ARFGAP3: variants seen among roughly 807,000 people sequenced by gnomAD.
The protein encoded by ARFGAP3 is ADP-ribosylation factor GTPase-activating protein 3.
Under a neutral mutation model 75.0 loss-of-function variants are expected in ARFGAP3, and 72 were observed. The observed-to-expected ratio is 0.96, with a 90% CI of 0.79 to 1.17. The LOEUF is 1.17. Ranked by LOEUF, ARFGAP3 falls within the 50% of genes most tolerant of loss-of-function variation. ARFGAP3 has a pLI of 0.00. For missense variants in ARFGAP3, 620 were observed against 626.6 expected, an observed-to-expected ratio of 0.99 and a Z score of 0.11; for synonymous variants, 221 against 217.9, an observed-to-expected ratio of 1.01 and a Z score of -0.13.
chr22:42,848,981 C>T (rs1164986750), intron 1 of ARFGAP3, among the ~76,000 whole-genome samples: 2 of 152,188 alleles, frequency 1.3e-5, no homozygotes, highest in Non-Finnish European at 2.9e-5. Context: ...CACCTTGGAT[C>T]ACTAGCTCTA....
At chr22:42,849,131 G>A (rs1238041722) in intron 1 of ARFGAP3, among the ~76,000 whole-genome samples, 4 of 152,162 alleles carry the variant, frequency 2.6e-5, no homozygotes, top group Non-Finnish European at 5.9e-5. Context: ...GCTCCCAGAT[G>A]ACCTCAGCCC....
intron 14 of ARFGAP3, among the ~76,000 whole-genome samples, chr22:42,805,179 T>A (rs887857181): frequency 6.6e-6 from 1 of 151,974 alleles, no homozygotes; most frequent in Non-Finnish European, 1.5e-5. Flanking sequence ...GGAACCAGGG[T>A]TGGTTTGGCA....
intron 11 of ARFGAP3, among the ~76,000 whole-genome samples, chr22:42,815,883 C>A (rs1363820474): frequency 2.6e-5 from 4 of 152,180 alleles, no homozygotes; most frequent in Non-Finnish European, 4.4e-5. Flanking sequence ...GAGGCTGAGG[C>A]CAGCAGATCA....
At chr22:42,848,153 T>C (rs1333699811) in intron 1 of ARFGAP3, among the ~76,000 whole-genome samples, 1 of 151,820 alleles carries the variant, frequency 6.6e-6, no homozygotes. Context: ...CACGAGCCAC[T>C]GTGCCCAGTT....
At chr22:42,844,402 T>G (rs1389730975) in intron 2 of ARFGAP3, among the ~76,000 whole-genome samples, 1 of 151,874 alleles carries the variant, frequency 6.6e-6, no homozygotes. Context: ...CTGGCCAACA[T>G]GGTGAAACCC....
intron 11 of ARFGAP3, among the ~76,000 whole-genome samples, chr22:42,816,416 C>T (rs936010497): frequency 6.6e-6 from 1 of 152,036 alleles, no homozygotes; most frequent in Non-Finnish European, 1.5e-5. Flanking sequence ...ATTCTTACCC[C>T]TCTGTTCCTG....
intron 2 of ARFGAP3, among the ~76,000 whole-genome samples, chr22:42,842,162 G>A (rs146954113): frequency 1.3e-5 from 2 of 151,598 alleles, no homozygotes. Context: ...GTGTCACTAC[G>A]CCCGGCTAAT....
chr22:42,821,985 T>C (rs1440988452), intron 9 of ARFGAP3, among the ~76,000 whole-genome samples: 5 of 152,162 alleles, frequency 3.3e-5, no homozygotes, highest in African/African-American at 4.8e-5. Context: ...ACTCTAATAA[T>C]GTGAAGCATG....
intron 2 of ARFGAP3, among the ~76,000 whole-genome samples, chr22:42,845,994 C>T (rs1187539440): frequency 5.8e-5 from 8 of 138,858 alleles, no homozygotes; most frequent in African/African-American, 1.6e-4. Flanking sequence ...GCTGAGATCG[C>T]GCCATTGCAC....
At chr22:42,841,550 AACTTCTCTC>A (rs1926780270) in intron 2 of ARFGAP3, among the ~76,000 whole-genome samples, 1 of 152,144 alleles carries the variant, frequency 6.6e-6, no homozygotes, top group South Asian at 2.1e-4. Context: ...CCTTATGCCT[AACTTCTCTC>A]CACTGTAAGA....
intron 12 of ARFGAP3, among the ~76,000 whole-genome samples, chr22:42,810,005 A>C (rs1033730943): frequency 4.8e-5 from 1 of 20,778 alleles, no homozygotes; most frequent in Non-Finnish European, 7.3e-5. Context: ...CTCCATCTTA[A>C]AAAAAAAAAA....
At chr22:42,845,560 A>AAC (rs1926979599) in intron 2 of ARFGAP3, among the ~76,000 whole-genome samples, 2 of 151,622 alleles carry the variant, frequency 1.3e-5, no homozygotes, top group African/African-American at 4.9e-5. Flanking sequence ...ACAACAACAA[A>AAC]AAAAAACCCC....
At chr22:42,821,574 CTGAG>C (rs2146546393) in intron 9 of ARFGAP3, among the ~76,000 whole-genome samples, 1 of 152,318 alleles carries the variant, frequency 6.6e-6, no homozygotes, top group Non-Finnish European at 1.5e-5. Flanking sequence ...CTTTTTGTGG[CTGAG>C]TAATAGTCCA....
rs1313175622 is a variant in ARFGAP3 at position 42,808,838 on chromosome 22, C to T, written c.1249G>A (p.Ala417Thr). The T allele has an allele frequency of 6.2e-7, 1 of 1,613,486 alleles. No homozygotes were observed. The highest frequency in any genetic ancestry group is 1.1e-5 in the South Asian group (1 of 90,928). ...TTGACATTGCCAAACTTCTTCTGGG[C>T]CTCATCTGTATTTTCAACTGGCTCA... ...DYEPVENTDE[A>T]QKKFGNVKAI... Residue 417 changes from alanine (A) to threonine (T), a missense_variant, in exon 13 of 16, where the codon GCC becomes ACC. Transcript: ENST00000263245.
rs200499015 is a variant in ARFGAP3 at position 42,808,397 on chromosome 22, C to CAAA, written c.1320+367_1320+369dup. Among the ~76,000 whole-genome samples, 11 of 122,162 alleles carry CAAA rather than the reference C, an allele frequency of 9.0e-5. No individual in the cohort carries two copies. The South Asian group carries it at 1.0e-3, about 12-fold the overall frequency. The allele number at this position is 122,162 out of a possible 152,430, so 80.1% of individuals were successfully genotyped here. A position where few individuals can be genotyped will look rare whatever the true frequency, so the allele number is the denominator to read the frequency against. Reference sequence around the variant, plus strand: ...TGGGTGACAGAAGGAGGCTCCGTCTCAAAAAAAAAAAAAGAAACATATCTA... The same window carrying CAAA: ...TGGGTGACAGAAGGAGGCTCCGTCTCAAAAAAAAAAAAAAAAGAAACATATCTA... On this transcript the variant is annotated intron_variant, in intron 13 of 15. Transcript: ENST00000263245.
intron 14 of ARFGAP3, among the ~76,000 whole-genome samples, chr22:42,800,279 C>T (rs546856355): frequency 3.9e-5 from 6 of 152,334 alleles, no homozygotes; most frequent in Admixed American, 3.9e-4. Flanking sequence ...CCTGTAATCC[C>T]AGCACTCTGG....
intron 1 of ARFGAP3, among the ~76,000 whole-genome samples, chr22:42,849,684 C>A (rs1466617251): frequency 6.6e-6 from 1 of 151,990 alleles, no homozygotes; most frequent in African/African-American, 2.4e-5. Flanking sequence ...CCCCCTCAGC[C>A]TCCTAAGCAG....
chr22:42,835,783 C>T (rs1358563857), intron 3 of ARFGAP3, among the ~76,000 whole-genome samples: 1 of 152,130 alleles, frequency 6.6e-6, no homozygotes, highest in African/African-American at 2.4e-5. Flanking sequence ...CGTGTCACTG[C>T]ACTCCAGCCT....
In ARFGAP3 at chr22:42,835,431, A is replaced by T. The variant is rs1926477537; in HGVS notation, c.324T>A (p.Arg108=). Residue 108 remains arginine, a synonymous_variant, in exon 4 of 16, where the codon CGT becomes CGA. Transcript: ENST00000263245. ...TNDTNAKYNS[R]AAQLYREKIK... ...TTTTCTCCCTATAGAGCTGAGCAGCACGACTGTTGTACTTGGCATTGGTGT... is the reference window on the plus strand; with the variant it reads ...TTTTCTCCCTATAGAGCTGAGCAGCTCGACTGTTGTACTTGGCATTGGTGT... 1.2e-6 allele frequency: 2 copies of T among 1,614,070 alleles called. No individual in the cohort carries two copies. Among genetic ancestry groups the T allele is most frequent in the South Asian group, 2.2e-5 (2 of 91,092 alleles).
Sources: gnomAD v4.1 joint callset for allele counts (sites outside exome capture counted in the v4.1 genomes callset) on GRCh38, gnomAD v4.1.1 for gene constraint, MANE v1.5 for transcripts, NCBI Gene and HGNC (gene_info 2026-07-23, HGNC 2026-07-21) for gene names.